CYTH3: variants seen among roughly 807,000 people sequenced by gnomAD.
The protein encoded by CYTH3 is cytohesin-3.
Under a neutral mutation model 55.1 loss-of-function variants are expected in CYTH3, and 23 were observed. That is an observed-to-expected ratio of 0.42 (90% CI 0.30 to 0.59). The LOEUF is 0.59. CYTH3 is among the 20% of genes least tolerant of loss of function. CYTH3 has a pLI of 0.20. For missense variants in CYTH3, 413 were observed against 524.8 expected (o/e 0.79, Z 2.08); for synonymous variants, 249 against 194.9 (o/e 1.28, Z -2.31).
chr7:6,272,278 C>A (rs892570767), intron 1 of CYTH3, among the ~76,000 whole-genome samples, 196 bp downstream of exon 1: 11 of 151,578 alleles, frequency 7.3e-5, no homozygotes, highest in African/African-American at 2.4e-4. Context: ...GACCCCGGCC[C>A]GCCCCCTCCC....
At chr7:6,202,811 G>C (rs1306140762) in intron 1 of CYTH3, among the ~76,000 whole-genome samples, 3 of 152,176 alleles carry the variant, frequency 2.0e-5, no homozygotes, top group African/African-American at 7.2e-5. Context: ...TATGCAGTAA[G>C]AAGTAACTGA....
intron 1 of CYTH3, among the ~76,000 whole-genome samples, chr7:6,239,495 A>T (rs1003527191): frequency 1.3e-5 from 2 of 152,186 alleles, no homozygotes; most frequent in African/African-American, 4.8e-5. Context: ...CCAAGTGAAC[A>T]TTTTCAAAAC....
At position 6,162,056 on chromosome 7, in the gene CYTH3, C is replaced by A. The variant is rs1782840068; in HGVS notation, c.*2888G>T. 6.6e-6 allele frequency: 1 copy of A among 152,648 alleles called. No individual in the cohort carries two copies. Among genetic ancestry groups the A allele is most frequent in the South Asian group, 2.1e-4 (1 of 4,826 alleles). The allele number at this position is 152,648 out of a possible 1,614,324, so 9.5% of individuals were successfully genotyped here. On this transcript the variant is annotated 3_prime_UTR_variant, in exon 13 of 13. Transcript: ENST00000350796. The stretch of plus-strand genomic sequence containing the variant: ...CTGGTCTACCACAGACCTAACTTCT[C>A]AGCAAAGCATATCTATGTAGATATC...
At chr7:6,180,017 G>C (rs1040818438) in intron 4 of CYTH3, among the ~76,000 whole-genome samples, 3 of 152,110 alleles carry the variant, frequency 2.0e-5, no homozygotes, top group African/African-American at 7.2e-5. Context: ...GCCTAGGGCA[G>C]GAAAGACAGT....
intron 1 of CYTH3, among the ~76,000 whole-genome samples, chr7:6,238,984 C>T (rs761200180): frequency 1.3e-4 from 20 of 151,766 alleles, no homozygotes; most frequent in Non-Finnish European, 2.5e-4. Context: ...GAGACCAAGA[C>T]GTGCTGATTG....
In CYTH3 at chr7:6,191,086, A is replaced by C. The variant is rs140933091; in HGVS notation, c.35-555T>G. Among the ~76,000 whole-genome samples the C allele has an allele frequency of 4.1e-3, 627 of 152,036 alleles. 3 individuals are homozygous for C. Among genetic ancestry groups the C allele is most frequent in the African/African-American group, 0.014 (570 of 41,480 alleles). ...AGGGAGATTCTGTTTCGGGAAAAAAAAAAAATTAAAAAGAATGAGCTAAGT... is the reference window on the plus strand; with the variant it reads ...AGGGAGATTCTGTTTCGGGAAAAAACAAAAATTAAAAAGAATGAGCTAAGT... On this transcript the variant is annotated intron_variant, in intron 1 of 12. Transcript: ENST00000350796.
At chr7:6,254,892 C>T (rs1259758516) in intron 1 of CYTH3, among the ~76,000 whole-genome samples, 1 of 152,204 alleles carries the variant, frequency 6.6e-6, no homozygotes, top group Non-Finnish European at 1.5e-5. Context: ...ATTCCTTCAA[C>T]TTTTCTGTAG....
At chr7:6,267,418 C>T (rs535054787) in intron 1 of CYTH3, among the ~76,000 whole-genome samples, 1 of 152,318 alleles carries the variant, frequency 6.6e-6, no homozygotes, top group African/African-American at 2.4e-5. Context: ...AAAGCATCCA[C>T]TTTTTAAACT....
Position 6,259,951 on chromosome 7 carries a change from C to T in CYTH3, c.34+12523G>A, listed in dbSNP as rs562426834. Among the ~76,000 whole-genome samples the T allele has an allele frequency of 2.9e-3, 421 of 145,750 alleles. 3 individuals carry two copies. The highest frequency in any genetic ancestry group is 0.011 in the African/African-American group (415 of 38,232). On this transcript the variant is annotated intron_variant, in intron 1 of 12. Transcript: ENST00000350796. ...GTTCAAGTGATTCTCCTGCCTCAGC[C>T]TCCTAAGTAGCTGGGATTGCAGGCA...
chr7:6,245,375 C>T (rs778960771), intron 1 of CYTH3, among the ~76,000 whole-genome samples: 2 of 152,096 alleles, frequency 1.3e-5, no homozygotes, highest in African/African-American at 2.4e-5. Context: ...TAGAGAGTTT[C>T]AGGCCCCACA....
At chr7:6,264,262 C>T (rs1222318505) in intron 1 of CYTH3, among the ~76,000 whole-genome samples, 2 of 150,842 alleles carry the variant, frequency 1.3e-5, no homozygotes, top group African/African-American at 4.9e-5. Context: ...GAAAAAAAAA[C>T]AAAAAGGAGA....
chr7:6,172,845 G>A, intron 6 of CYTH3: 1 of 1,277,376 alleles, frequency 7.8e-7, no homozygotes, highest in Non-Finnish European at 1.0e-6. Context: ...TTCAGCCCCA[G>A]GCTGCGCTGT....
chr7:6,214,181 C>A lies in CYTH3; in HGVS notation c.35-23650G>T, dbSNP rs1036413590. On this transcript the variant is annotated intron_variant, in intron 1 of 12. Coordinates refer to ENST00000350796, the MANE Select transcript of CYTH3 (RefSeq NM_004227.4). ...GATGGATCGATGAGAGACGGATAAA[C>A]GGCCATGTGATAAAGCACACACAGT... 3.9e-5 allele frequency among the ~76,000 whole-genome samples: 6 copies of A among 152,130 alleles called. No homozygotes were observed. In the South Asian group the frequency reaches 1.2e-3, roughly 32 times the overall value.
At chr7:6,265,779 G>A (rs1218596838) in intron 1 of CYTH3, among the ~76,000 whole-genome samples, 5 of 152,080 alleles carry the variant, frequency 3.3e-5, no homozygotes, top group South Asian at 4.1e-4. Context: ...AAAGGGAATC[G>A]CCCTGGCTGC....
At chr7:6,243,082 A>C (rs190224951) in intron 1 of CYTH3, among the ~76,000 whole-genome samples, 1 of 152,322 alleles carries the variant, frequency 6.6e-6, no homozygotes, top group East Asian at 1.9e-4. Flanking sequence ...TCTCATGATT[A>C]ATTGCAGGTG....
chr7:6,187,803 G>A, intron 2 of CYTH3, 82 bp from the exon 3 acceptor site: 2 of 1,150,302 alleles, frequency 1.7e-6, no homozygotes, highest in Non-Finnish European at 2.6e-6. Context: ...GTTCTCTTGT[G>A]ACAAGCTTCC....
chr7:6,244,377 T>C (rs1779752681), intron 1 of CYTH3, among the ~76,000 whole-genome samples: 1 of 152,270 alleles, frequency 6.6e-6, no homozygotes, highest in Admixed American at 6.5e-5. Flanking sequence ...GCTTTTAGAA[T>C]GCTTTATTCT....
intron 1 of CYTH3, among the ~76,000 whole-genome samples, chr7:6,253,797 C>CA (rs1780033893): frequency 6.6e-6 from 1 of 151,706 alleles, no homozygotes; most frequent in East Asian, 2.0e-4. Context: ...GCCTGGGTGA[C>CA]AGAGTGAGAT....
Position 6,190,403 on chromosome 7 carries a change from C to G in CYTH3, c.117+46G>C. 3 of 1,354,742 alleles carry G rather than the reference C, an allele frequency of 2.2e-6. No individual in the cohort carries two copies. The South Asian group carries it at 4.8e-5, about 22-fold the overall frequency. The allele number at this position is 1,354,742 out of a possible 1,614,324, so 83.9% of individuals were successfully genotyped here. The stretch of plus-strand genomic sequence containing the variant: ...ACTCTTTTACTATTTTACTCAAAAG[C>G]AAAAAACAGAGTTTTGGATTTTTGG... On this transcript the variant is annotated intron_variant, in intron 2 of 12. Coordinates refer to ENST00000350796, the MANE Select transcript of CYTH3 (RefSeq NM_004227.4).
Sources: gnomAD v4.1 joint callset for allele counts (sites outside exome capture counted in the v4.1 genomes callset) on GRCh38, gnomAD v4.1.1 for gene constraint, MANE v1.5 for transcripts, NCBI Gene and HGNC (gene_info 2026-07-23, HGNC 2026-07-21) for gene names.